The following FILIP1L variants were observed in gnomAD, a reference collection of about 807,000 sequenced individuals.
FILIP1L encodes the protein filamin A-interacting protein 1-like.
A neutral mutation model predicts 96.6 loss-of-function variants in FILIP1L; 55 were observed. The observed-to-expected ratio is 0.57, with a 90% CI of 0.46 to 0.71. The LOEUF is 0.71. FILIP1L is among the 30% of genes least tolerant of loss of function. FILIP1L has a pLI of 0.00. For synonymous variants in FILIP1L, 467 were observed against 473.9 expected (o/e 0.99, Z 0.19); for missense variants, 1,304 against 1,321.2 (o/e 0.99, Z 0.20).
chr3:100,002,712 AC>A (rs1488097786), intron 1 of FILIP1L, among the ~76,000 whole-genome samples: 1 of 152,202 alleles, frequency 6.6e-6, no homozygotes, highest in Non-Finnish European at 1.5e-5. Flanking sequence ...ACATGTGGAA[AC>A]GGGGCCTGTG....
intron 1 of FILIP1L, among the ~76,000 whole-genome samples, chr3:99,994,403 A>T (rs1417004174): frequency 6.6e-6 from 1 of 152,244 alleles, no homozygotes; most frequent in Non-Finnish European, 1.5e-5. Context: ...GACATTTACA[A>T]CAACATTCTT....
At chr3:100,021,603 G>A (rs1210450478) in intron 1 of FILIP1L, among the ~76,000 whole-genome samples, 1 of 152,138 alleles carries the variant, frequency 6.6e-6, no homozygotes, top group Non-Finnish European at 1.5e-5. Context: ...CCCCATTTTA[G>A]AAGATCACTG....
At position 99,865,413 on chromosome 3, in the gene FILIP1L, CT is replaced by C. The variant is rs920485393; in HGVS notation, c.606-14344del. On this transcript the variant is annotated intron_variant, in intron 4 of 5. Transcript: ENST00000477258. ...GAATTTGTGTGCTGTAATATTCTGCCTGTCAAAGATCCCAAATCACCACCAC... is the reference window on the plus strand; with the variant it reads ...GAATTTGTGTGCTGTAATATTCTGCCGTCAAAGATCCCAAATCACCACCAC... Among the ~76,000 whole-genome samples, 9 of 152,274 alleles carry C rather than the reference CT, an allele frequency of 5.9e-5. No homozygotes were observed. The South Asian group carries it at 1.5e-3, about 25-fold the overall frequency.
chr3:100,101,667 T>C (rs939275989), intron 1 of FILIP1L, among the ~76,000 whole-genome samples: 5 of 152,126 alleles, frequency 3.3e-5, no homozygotes, highest in Non-Finnish European at 7.4e-5. Context: ...ATGTGCACAA[T>C]GTGCAGGTTA....
At chr3:99,883,711 A>G (rs3921767) in intron 4 of FILIP1L, among the ~76,000 whole-genome samples, 19,015 of 152,160 alleles carry the variant, frequency 0.12, 1,708 homozygotes, top group African/African-American at 0.25. Context: ...GTATGACTTC[A>G]TTGTTATAAT....
At chr3:99,859,671 C>G (rs974834585) in intron 4 of FILIP1L, among the ~76,000 whole-genome samples, 18 of 152,092 alleles carry the variant, frequency 1.2e-4, no homozygotes, top group Non-Finnish European at 2.2e-4. Context: ...AACTGTGTTG[C>G]GTTGATAGTA....
chr3:100,061,433 G>C (rs1388638042), intron 1 of FILIP1L, among the ~76,000 whole-genome samples: 1 of 152,168 alleles, frequency 6.6e-6, no homozygotes, highest in Non-Finnish European at 1.5e-5. Flanking sequence ...GGTTATTCCA[G>C]GGTGTTAATT....
intron 1 of FILIP1L, among the ~76,000 whole-genome samples, chr3:100,074,354 C>G (rs759299095): frequency 3.3e-5 from 5 of 152,130 alleles, no homozygotes; most frequent in Non-Finnish European, 5.9e-5. Flanking sequence ...AATGTTGTGG[C>G]TTTATTAAAA....
intron 4 of FILIP1L, among the ~76,000 whole-genome samples, chr3:99,860,040 T>C (rs926184372): frequency 2.0e-4 from 31 of 152,334 alleles, no homozygotes; most frequent in African/African-American, 7.5e-4. Context: ...TTTTTTGGCA[T>C]CTGCTAGTTG....
intron 1 of FILIP1L, among the ~76,000 whole-genome samples, chr3:99,957,192 G>A (rs2107696621): frequency 6.6e-6 from 1 of 152,324 alleles, no homozygotes; most frequent in East Asian, 1.9e-4. Flanking sequence ...TCATCAGGGT[G>A]ATCTGATTTG....
chr3:99,902,180 G>A (rs539295812), intron 4 of FILIP1L, among the ~76,000 whole-genome samples: 124 of 152,256 alleles, frequency 8.1e-4, no homozygotes, highest in Admixed American at 2.0e-3. Context: ...TAGTGTAACT[G>A]ACTCTTAGTA....
intron 1 of FILIP1L, among the ~76,000 whole-genome samples, chr3:99,976,335 T>A (rs1708970914): frequency 1.3e-5 from 2 of 152,202 alleles, no homozygotes; most frequent in Non-Finnish European, 2.9e-5. Flanking sequence ...AATTCATACA[T>A]AAAGAATAAA....
chr3:100,044,152 C>T (rs1025551725), intron 1 of FILIP1L, among the ~76,000 whole-genome samples: 2 of 152,106 alleles, frequency 1.3e-5, no homozygotes, highest in Admixed American at 1.3e-4. Context: ...GGGTTCAAAT[C>T]CTGTGACCTT....
chr3:99,872,234 C>T (rs1034879288), intron 4 of FILIP1L, among the ~76,000 whole-genome samples: 1 of 144,332 alleles, frequency 6.9e-6, no homozygotes, highest in African/African-American at 2.6e-5. Flanking sequence ...TTGCCCCTTC[C>T]AGCTGTAAAA....
intron 4 of FILIP1L, among the ~76,000 whole-genome samples, chr3:99,859,200 C>T (rs2107549503): frequency 6.6e-6 from 1 of 152,356 alleles, no homozygotes; most frequent in South Asian, 2.1e-4. Flanking sequence ...ACATTTAATT[C>T]ATTTCAGACC....
At position 99,901,132 on chromosome 3, in the gene FILIP1L, A is replaced by G. The variant is rs1706422230; in HGVS notation, c.605+23098T>C. Among the ~76,000 whole-genome samples the G allele has an allele frequency of 2.0e-5, 3 of 152,256 alleles. No individual in the cohort carries two copies. In the South Asian group the frequency reaches 6.2e-4, roughly 31 times the overall value. On this transcript the variant is annotated intron_variant, in intron 4 of 5. Transcript: ENST00000477258. The stretch of plus-strand genomic sequence containing the variant: ...TTAACTTGTTATTTAATACAAATCA[A>G]GTAAGCTTTAGTATTGCTTTAAGGA...
At chr3:99,969,827 A>C (rs1452026495) in intron 1 of FILIP1L, among the ~76,000 whole-genome samples, 3 of 152,162 alleles carry the variant, frequency 2.0e-5, no homozygotes, top group Admixed American at 6.5e-5. Flanking sequence ...TACTGAAGTC[A>C]CTCATTGTCA....
At chr3:99,920,619 A>T (rs549190442) in intron 4 of FILIP1L, among the ~76,000 whole-genome samples, 1 of 152,344 alleles carries the variant, frequency 6.6e-6, no homozygotes, top group East Asian at 1.9e-4. Flanking sequence ...GAAACTTTGC[A>T]TTAACATGCC....
At chr3:100,057,447 T>C (rs1263085667) in intron 1 of FILIP1L, among the ~76,000 whole-genome samples, 1 of 152,226 alleles carries the variant, frequency 6.6e-6, no homozygotes, top group Non-Finnish European at 1.5e-5. Context: ...TAAATTGGAA[T>C]GGACAGAGTT....
Sources: allele counts gnomAD v4.1 joint callset (sites outside exome capture counted in the v4.1 genomes callset), GRCh38; gene constraint gnomAD v4.1.1; transcripts MANE v1.5; gene names NCBI Gene and HGNC (gene_info 2026-07-23, HGNC 2026-07-21).